The following UBR3 variants were observed in gnomAD, a reference collection of about 807,000 sequenced individuals.
UBR3 encodes E3 ubiquitin-protein ligase UBR3.
UBR3 carries 85 observed loss-of-function variants against 243.2 expected under a neutral mutation model. The ratio of observed to expected loss-of-function variants is 0.35; its 90% CI spans 0.29 to 0.42. The LOEUF (loss-of-function observed/expected upper bound fraction) is 0.42. Ranked by LOEUF, UBR3 falls within the 10% of genes least tolerant of loss-of-function variation. UBR3 has a pLI of 1.00. For missense variants in UBR3, 1,686 were observed against 2,300.8 expected, an observed-to-expected ratio of 0.73 and a Z score of 5.47; for synonymous variants, 748 against 799.8, an observed-to-expected ratio of 0.94 and a Z score of 1.09.
intron 1 of UBR3, among the ~76,000 whole-genome samples, chr2:169,857,864 C>G (rs1046586999): frequency 6.6e-6 from 1 of 152,190 alleles, no homozygotes; most frequent in East Asian, 1.9e-4. Context: ...ACCTCAGCCC[C>G]TCAAGTAGCT....
intron 1 of UBR3, among the ~76,000 whole-genome samples, chr2:169,841,453 C>G (rs1192688584): frequency 1.3e-5 from 2 of 152,226 alleles, no homozygotes; most frequent in African/African-American, 4.8e-5. Flanking sequence ...CCCTTTAGCC[C>G]CCCCACTGCA....
intron 2 of UBR3, among the ~76,000 whole-genome samples, chr2:169,875,097 C>T (rs1287521087): frequency 6.6e-6 from 1 of 151,694 alleles, no homozygotes; most frequent in Non-Finnish European, 1.5e-5. Context: ...TTGCTTTGAC[C>T]TTCAGCTAAC....
At chr2:169,882,311 A>G (rs2083912932) in intron 5 of UBR3, among the ~76,000 whole-genome samples, 1 of 140,764 alleles carries the variant, frequency 7.1e-6, no homozygotes. Flanking sequence ...TGTATATTAT[A>G]TATTTATATA....
intron 23 of UBR3, among the ~76,000 whole-genome samples, chr2:169,957,170 C>G (rs183139745): frequency 6.6e-6 from 1 of 152,186 alleles, no homozygotes; most frequent in East Asian, 1.9e-4. Flanking sequence ...TTTATGCTTA[C>G]TAGTATTGTT....
At chr2:170,023,478 C>T (rs972483944) in intron 30 of UBR3, among the ~76,000 whole-genome samples, 3 of 150,898 alleles carry the variant, frequency 2.0e-5, no homozygotes, top group South Asian at 2.1e-4. Flanking sequence ...GGTAACATGT[C>T]GGCTCACAGC....
In UBR3 at chr2:169,905,246, A is replaced by T. The variant is rs1193257570; in HGVS notation, c.1598A>T (p.Asp533Val). Residue 533 changes from aspartate to valine, a missense_variant, in exon 9 of 39, where the codon GAT becomes GTT. This residue lies in a region of UBR3 where 346 missense variants were observed against 585.8 expected (regional missense o/e 0.59). Coordinates refer to ENST00000272793, the MANE Select transcript of UBR3 (RefSeq NM_172070.4). The stretch of plus-strand genomic sequence containing the variant: ...AGTGTGGCCAAGAGATTTTTGGAGG[A>T]TCACGGTTTGTTAGTTACATGGATG... ...HQSVAKRFLE[D>V]HGLLVTWMNF... The T allele has an allele frequency of 6.5e-7, 1 of 1,543,760 alleles. No homozygotes were observed.
chr2:169,829,015 G>C (rs2081839662), intron 1 of UBR3, among the ~76,000 whole-genome samples: 1 of 152,266 alleles, frequency 6.6e-6, no homozygotes, highest in Middle Eastern at 3.4e-3. Flanking sequence ...AAAGTGAAAG[G>C]GGCGATTTTG....
intron 26 of UBR3, among the ~76,000 whole-genome samples, chr2:169,998,475 A>G (rs1482962360): frequency 6.6e-6 from 1 of 152,200 alleles, no homozygotes; most frequent in Non-Finnish European, 1.5e-5. Flanking sequence ...TTATGTATAT[A>G]TGGCATTTTC....
intron 27 of UBR3, among the ~76,000 whole-genome samples, chr2:170,005,976 T>G (rs575285723): frequency 7.2e-5 from 11 of 151,902 alleles, no homozygotes; most frequent in South Asian, 2.1e-4. Flanking sequence ...ATGTGAGAGA[T>G]GTAGGAGGGT....
intron 31 of UBR3, among the ~76,000 whole-genome samples, chr2:170,030,594 A>T (rs185812478): frequency 6.6e-6 from 1 of 152,216 alleles, no homozygotes; most frequent in East Asian, 1.9e-4. Flanking sequence ...AGCCTCGATT[A>T]TGTTTTTAAA....
At chr2:169,867,650 A>T (rs1028032206) in intron 1 of UBR3, among the ~76,000 whole-genome samples, 10 of 152,236 alleles carry the variant, frequency 6.6e-5, no homozygotes, top group Admixed American at 5.9e-4. Context: ...AAATTTCTGA[A>T]CATGCTTTCA....
Position 169,921,246 on chromosome 2 carries a change from G to T in UBR3, c.1867-2683G>T, listed in dbSNP as rs1177635068. On this transcript the variant is annotated intron_variant, in intron 11 of 38. Transcript: ENST00000272793. ...GTCCTATGGAATATTAAGTATTGCT[G>T]TTCAGTAGACACCTGAATGTAAGAT... is the stretch of plus-strand genomic sequence containing the variant. 2.6e-5 allele frequency among the ~76,000 whole-genome samples: 4 copies of T among 152,146 alleles called. No individual in the cohort carries two copies. In the East Asian group the frequency reaches 7.7e-4, roughly 29 times the overall value.
intron 5 of UBR3, among the ~76,000 whole-genome samples, chr2:169,883,523 T>C (rs1007527312): frequency 6.6e-6 from 1 of 152,218 alleles, no homozygotes; most frequent in Admixed American, 6.5e-5. Context: ...ATGGGAAGAA[T>C]GTCAGAGAAT....
At chr2:170,053,397 C>A (rs182939173) in intron 32 of UBR3, among the ~76,000 whole-genome samples, 12 of 152,322 alleles carry the variant, frequency 7.9e-5, no homozygotes, top group Non-Finnish European at 1.5e-4. Flanking sequence ...GCCATCACAG[C>A]TGGTTGTTGC....
At chr2:170,065,438 C>T (rs996370086) in intron 35 of UBR3, among the ~76,000 whole-genome samples, 5 of 151,954 alleles carry the variant, frequency 3.3e-5, no homozygotes, top group African/African-American at 1.2e-4. Context: ...AGGTGCGCAC[C>T]ACCGCACCCG....
At chr2:169,836,067 A>AT (rs60845808) in intron 1 of UBR3, among the ~76,000 whole-genome samples, 26 of 32,668 alleles carry the variant, frequency 8.0e-4, no homozygotes, top group African/African-American at 2.3e-3. Context: ...ATATATATAT[A>AT]TTTTTTTTTT....
chr2:170,049,543 A>AG (rs1359542502), intron 32 of UBR3, among the ~76,000 whole-genome samples: 2 of 151,840 alleles, frequency 1.3e-5, no homozygotes, highest in African/African-American at 2.4e-5. Context: ...CCTGAGGATA[A>AG]GGGGGGGATT....
chr2:169,878,456 C>T, intron 4 of UBR3, 69 bp from the exon 5 acceptor site: 1 of 1,415,230 alleles, frequency 7.1e-7, no homozygotes, highest in Non-Finnish European at 9.7e-7. Flanking sequence ...TTGTATTTCT[C>T]AGAATAATTT....
intron 32 of UBR3, among the ~76,000 whole-genome samples, chr2:170,047,187 C>T (rs370861298): frequency 0.28 from 3,292 of 11,766 alleles, 116 homozygotes; most frequent in African/African-American, 0.3. Flanking sequence ...GAGACGGTGG[C>T]GGTGTCGGGG....
Sources: allele counts gnomAD v4.1 joint callset (sites outside exome capture counted in the v4.1 genomes callset), GRCh38; gene constraint gnomAD v4.1.1; regional missense constraint gnomAD v4.1.1; transcripts MANE v1.5; gene names NCBI Gene and HGNC (gene_info 2026-07-23, HGNC 2026-07-21).